The following AHI1 variants were observed in gnomAD, a reference collection of about 807,000 sequenced individuals.
AHI1 encodes Abelson helper integration site 1, also known as jouberin.
A neutral mutation model predicts 149.3 loss-of-function variants in AHI1; 123 were observed. The ratio of observed to expected loss-of-function variants is 0.82; its 90% CI spans 0.71 to 0.96. The LOEUF (loss-of-function observed/expected upper bound fraction) is 0.96. Among genes scored for constraint, AHI1 ranks in the 40% least tolerant of loss-of-function variants. AHI1 has a pLI of 0.00. For missense variants in AHI1, 1,439 were observed against 1,422.7 expected (o/e 1.01, Z -0.18); for synonymous variants, 475 against 459.8 (o/e 1.03, Z -0.42).
intron 23 of AHI1, among the ~76,000 whole-genome samples, chr6:135,384,422 T>G (rs931295123): frequency 4.6e-5 from 7 of 152,188 alleles, no homozygotes; most frequent in African/African-American, 1.7e-4. Flanking sequence ...AATGAAATAA[T>G]AACTTGCTCA....
At chr6:135,390,323 G>A (rs1217102770) in intron 23 of AHI1, among the ~76,000 whole-genome samples, 1 of 152,154 alleles carries the variant, frequency 6.6e-6, no homozygotes, top group Non-Finnish European at 1.5e-5. Flanking sequence ...AAAGAAAGAT[G>A]TAAGTTCATT....
At chr6:135,314,437 C>T (rs889293487) in intron 26 of AHI1, among the ~76,000 whole-genome samples, 20 of 152,318 alleles carry the variant, frequency 1.3e-4, no homozygotes, top group African/African-American at 4.8e-4. Context: ...TTAAGCCACC[C>T]AGTCTACATT....
chr6:135,471,883 G>A lies in AHI1; in HGVS notation c.136-4249C>T, dbSNP rs1186564976. ...AAAAATTAGCCGGGCGCGGTGGCGG[G>A]CACCTGTAGTCCCAGCTACTGGGGA... On this transcript the variant is annotated intron_variant, in intron 5 of 28. Transcript: ENST00000265602. Among the ~76,000 whole-genome samples the A allele has an allele frequency of 9.9e-5, 15 of 151,636 alleles. No homozygotes were observed. The South Asian group carries it at 2.5e-3, about 25-fold the overall frequency.
At position 135,431,297 on chromosome 6, in the gene AHI1, C is replaced by G. The variant is rs1014575550; in HGVS notation, c.2284G>C (p.Gly762Arg). ...ACAACAATCACCCCTGTACAATCTC[C>G]TGAATACATATGATGACCTATTTAA... ...FDTEGHHMYS[G>R]DCTGVIVVWN... The change falls in exon 17 of 29, where the codon GGA (glycine) becomes CGA (arginine). Residue 762 changes from glycine (G) to arginine (R), a missense_variant. Coordinates refer to ENST00000265602, the MANE Select transcript of AHI1 (RefSeq NM_001134831.2). 1 of 1,600,876 alleles carries G rather than the reference C, an allele frequency of 6.2e-7. No individual in the cohort carries two copies. Among genetic ancestry groups the G allele is most frequent in the Non-Finnish European group, 8.5e-7 (1 of 1,171,102 alleles).
intron 24 of AHI1, among the ~76,000 whole-genome samples, chr6:135,343,673 C>T (rs1468493916): frequency 6.7e-6 from 1 of 149,790 alleles, no homozygotes; most frequent in Non-Finnish European, 1.5e-5. Flanking sequence ...TAACAAAAAA[C>T]CCCCACTTTT....
chr6:135,453,548 A>C, intron 10 of AHI1, 112 bp from the exon 11 acceptor site: 1 of 764,142 alleles, frequency 1.3e-6, no homozygotes, highest in Non-Finnish European at 2.1e-6. Context: ...ATTAACCTTT[A>C]CAGGGAATAA....
At chr6:135,428,786 G>A (rs1253134987) in intron 18 of AHI1, 27 bp from the exon 19 acceptor site, 4 of 1,575,080 alleles carry the variant, frequency 2.5e-6, no homozygotes, top group Admixed American at 1.8e-5. Flanking sequence ...TTTTACAAAT[G>A]TAACTGTCTT....
chr6:135,465,381 A>G (rs1171473361), intron 7 of AHI1, among the ~76,000 whole-genome samples: 4 of 152,236 alleles, frequency 2.6e-5, no homozygotes, highest in Non-Finnish European at 5.9e-5. Flanking sequence ...TAGTTTTTCT[A>G]CAATGAGCTA....
intron 5 of AHI1, among the ~76,000 whole-genome samples, chr6:135,484,515 T>G (rs980234548): frequency 2.0e-5 from 3 of 152,154 alleles, no homozygotes; most frequent in African/African-American, 4.8e-5. Flanking sequence ...AGCTGTTATC[T>G]TAATATTTAT....
At chr6:135,324,633 C>T (rs1024896762) in intron 24 of AHI1, among the ~76,000 whole-genome samples, 2 of 151,454 alleles carry the variant, frequency 1.3e-5, no homozygotes, top group African/African-American at 4.9e-5. Context: ...ACCTAAGAGT[C>T]CCATGTGGTG....
intron 20 of AHI1, among the ~76,000 whole-genome samples, chr6:135,411,866 A>C (rs1289669789): frequency 6.6e-6 from 1 of 152,178 alleles, no homozygotes; most frequent in Non-Finnish European, 1.5e-5. Flanking sequence ...GGAAATGCTA[A>C]AATAATATTT....
At chr6:135,371,378 G>A (rs963408201) in intron 23 of AHI1, among the ~76,000 whole-genome samples, 1 of 152,142 alleles carries the variant, frequency 6.6e-6, no homozygotes, top group Non-Finnish European at 1.5e-5. Context: ...AGGTGCTCAT[G>A]TGATTTTCTT....
intron 26 of AHI1, among the ~76,000 whole-genome samples, chr6:135,308,766 G>A (rs997849725): frequency 2.6e-5 from 4 of 152,176 alleles, no homozygotes; most frequent in African/African-American, 9.7e-5. Context: ...TTTAATTAAC[G>A]AGAATTTAGG....
rs979030435 is a variant in AHI1 at position 135,301,657 on chromosome 6, A to T, written c.3427-1099T>A. ...CTTTAAGTCAAGCATAATAAAAACA[A>T]GAATTAAAGAGCAAGGAGACTTTTT... On this transcript the variant is annotated intron_variant, in intron 26 of 28. Coordinates refer to ENST00000265602, the MANE Select transcript of AHI1 (RefSeq NM_001134831.2). 8.4e-5 allele frequency: 83 copies of T among 985,368 alleles called. No homozygotes were observed. In the African/African-American group the frequency reaches 1.4e-3, roughly 16 times the overall value. The allele number at this position is 985,368 out of a possible 1,614,324, so 61.0% of individuals were successfully genotyped here.
At chr6:135,320,472 G>A (rs1006440928) in intron 25 of AHI1, among the ~76,000 whole-genome samples, 13 of 152,188 alleles carry the variant, frequency 8.5e-5, no homozygotes, top group Admixed American at 4.6e-4. Flanking sequence ...TTTATCTTTT[G>A]TGGAGATGGA....
chr6:135,435,982 A>G (rs150930388), intron 15 of AHI1, among the ~76,000 whole-genome samples: 1 of 152,300 alleles, frequency 6.6e-6, no homozygotes, highest in East Asian at 1.9e-4. Context: ...AAATATATGT[A>G]AGAGAATTAA....
chr6:135,395,405 C>T (rs150094142), intron 22 of AHI1, among the ~76,000 whole-genome samples: 179 of 151,756 alleles, frequency 1.2e-3, no homozygotes, highest in African/African-American at 4.1e-3. Context: ...TCCATTGCAT[C>T]AAAACACCTT....
At chr6:135,411,671 C>T (rs555326471) in intron 20 of AHI1, 127 bp from the exon 21 acceptor site, 2 of 633,046 alleles carry the variant, frequency 3.2e-6, no homozygotes, top group East Asian at 6.4e-5. Context: ...AATAATAAGA[C>T]ACCATAACTA....
Position 135,283,884 on chromosome 6 carries a change from CTGACA to C in AHI1, c.*1756_*1760del, listed in dbSNP as rs200997773. On this transcript the variant is annotated 3_prime_UTR_variant, in exon 29 of 29. Transcript: ENST00000265602. ...GAGCTTAGCAAATGCTTAGCTCCCC[CTGACA>C]TATTTTTCATTCATCTTAAATTATT... 4.9e-3 allele frequency: 746 copies of C among 152,272 alleles called. 8 individuals carry two copies. The highest frequency in any genetic ancestry group is 0.017 in the African/African-American group (704 of 41,548). The allele number at this position is 152,272 out of a possible 1,614,324, so 9.4% of individuals were successfully genotyped here.
Sources: allele counts gnomAD v4.1 joint callset (sites outside exome capture counted in the v4.1 genomes callset), GRCh38; gene constraint gnomAD v4.1.1; transcripts MANE v1.5; gene names NCBI Gene and HGNC (gene_info 2026-07-23, HGNC 2026-07-21).